Variants in NLGN1 observed in about 807,000 individuals in gnomAD.
The protein encoded by NLGN1 is neuroligin-1.
A neutral mutation model predicts 65.5 loss-of-function variants in NLGN1; 12 were observed. That is an observed-to-expected ratio of 0.18 (90% CI 0.12 to 0.30). NLGN1 has a LOEUF of 0.30. NLGN1 is among the 10% of genes least tolerant of loss of function. NLGN1 has a pLI of 1.00. For missense variants in NLGN1, 750 were observed against 1,007.1 expected, an observed-to-expected ratio of 0.74 and a Z score of 3.46; for synonymous variants, 350 against 359.5, an observed-to-expected ratio of 0.97 and a Z score of 0.30.
intron 2 of NLGN1, among the ~76,000 whole-genome samples, chr3:173,564,929 T>G (rs1743379666): frequency 6.6e-6 from 1 of 152,202 alleles, no homozygotes; most frequent in African/African-American, 2.4e-5. Flanking sequence ...CCACCTCTAT[T>G]TGCTGGACAC....
At chr3:174,241,410 G>GC (rs1742781849) in intron 4 of NLGN1, among the ~76,000 whole-genome samples, 1 of 151,436 alleles carries the variant, frequency 6.6e-6, no homozygotes, top group Admixed American at 6.6e-5. Context: ...AGATATGGAT[G>GC]CCCAATTAGG....
chr3:174,080,852 T>G (rs2152548898), intron 4 of NLGN1, among the ~76,000 whole-genome samples: 2 of 151,700 alleles, frequency 1.3e-5, no homozygotes. Context: ...CTGAGACCAA[T>G]TATTATTTTA....
chr3:173,595,038 A>T (rs188954646), intron 2 of NLGN1, among the ~76,000 whole-genome samples: 1 of 152,342 alleles, frequency 6.6e-6, no homozygotes. Flanking sequence ...GCTGCTGTGA[A>T]GACCTTAGAC....
intron 3 of NLGN1, among the ~76,000 whole-genome samples, chr3:173,650,926 T>TA (rs1759066770): frequency 7.4e-6 from 1 of 134,934 alleles, no homozygotes; most frequent in Non-Finnish European, 1.6e-5. Flanking sequence ...GCCTGTTTAT[T>TA]TTTTTTTTTT....
At chr3:173,628,772 C>T (rs1241179302) in intron 3 of NLGN1, among the ~76,000 whole-genome samples, 1 of 151,978 alleles carries the variant, frequency 6.6e-6, no homozygotes, top group Non-Finnish European at 1.5e-5. Flanking sequence ...CAGCTCACTG[C>T]AACCTCTGTC....
chr3:173,921,668 C>T (rs76059081), intron 4 of NLGN1, among the ~76,000 whole-genome samples: 323 of 152,194 alleles, frequency 2.1e-3, no homozygotes, highest in Middle Eastern at 0.02. Context: ...TCTCCCAAGT[C>T]GTACAGCTAA....
intron 4 of NLGN1, among the ~76,000 whole-genome samples, chr3:173,866,667 T>C (rs1730241085): frequency 6.6e-6 from 1 of 152,208 alleles, no homozygotes; most frequent in Admixed American, 6.5e-5. Flanking sequence ...TTGTTGGTTT[T>C]ATATAAAAAG....
At chr3:174,276,585 A>G (rs9814054) in intron 5 of NLGN1, among the ~76,000 whole-genome samples, 6,437 of 152,020 alleles carry the variant, frequency 0.042, 440 homozygotes, top group African/African-American at 0.15. Context: ...AGCACCAAAC[A>G]TATGGTATTT....
At chr3:174,083,495 T>C (rs1401945004) in intron 4 of NLGN1, among the ~76,000 whole-genome samples, 1 of 152,160 alleles carries the variant, frequency 6.6e-6, no homozygotes, top group African/African-American at 2.4e-5. Context: ...ATATTCAGTG[T>C]TCTTCGAAAA....
intron 2 of NLGN1, among the ~76,000 whole-genome samples, chr3:173,519,647 C>G (rs1734428932): frequency 6.6e-6 from 1 of 151,724 alleles, no homozygotes; most frequent in Admixed American, 6.6e-5. Context: ...GCCAATTTCT[C>G]TCTTTTGGAA....
chr3:174,266,467 A>G (rs1283745356), intron 4 of NLGN1, among the ~76,000 whole-genome samples: 1 of 152,170 alleles, frequency 6.6e-6, no homozygotes, highest in East Asian at 1.9e-4. Context: ...ACTGATGGGT[A>G]TCTATGTTGA....
At chr3:174,184,046 A>C (rs1351027745) in intron 4 of NLGN1, among the ~76,000 whole-genome samples, 1 of 152,218 alleles carries the variant, frequency 6.6e-6, no homozygotes, top group African/African-American at 2.4e-5. Context: ...CACAACTCAT[A>C]AGAAAGCCAC....
At chr3:173,613,089 T>C (rs1180474572) in intron 3 of NLGN1, among the ~76,000 whole-genome samples, 1 of 152,152 alleles carries the variant, frequency 6.6e-6, no homozygotes, top group Non-Finnish European at 1.5e-5. Context: ...CTTTAACATA[T>C]AGAATTTTGG....
At chr3:173,895,528 G>A (rs1398063509) in intron 4 of NLGN1, among the ~76,000 whole-genome samples, 4 of 152,044 alleles carry the variant, frequency 2.6e-5, no homozygotes, top group South Asian at 2.1e-4. Context: ...GGAGACACTC[G>A]ACTTCCCAGT....
chr3:173,563,476 A>C (rs1080310), intron 2 of NLGN1, among the ~76,000 whole-genome samples: 54,290 of 152,010 alleles, frequency 0.36, 10,715 homozygotes, highest in East Asian at 0.73. Context: ...AAAGAGAAGT[A>C]GTAAAGTTAA....
intron 4 of NLGN1, among the ~76,000 whole-genome samples, chr3:173,960,626 A>G (rs963735721): frequency 1.3e-5 from 2 of 152,024 alleles, no homozygotes; most frequent in Admixed American, 6.5e-5. Context: ...ATAAAATTTT[A>G]AAACAGATAT....
intron 3 of NLGN1, among the ~76,000 whole-genome samples, chr3:173,749,678 AAAT>A (rs1258733135): frequency 1.3e-5 from 2 of 152,116 alleles, no homozygotes; most frequent in African/African-American, 2.4e-5. Flanking sequence ...ACCAAAAAAA[AAAT>A]AATATTAACA....
chr3:173,914,660 A>G (rs1262644956), intron 4 of NLGN1, among the ~76,000 whole-genome samples: 1 of 152,106 alleles, frequency 6.6e-6, no homozygotes, highest in African/African-American at 2.4e-5. Context: ...TGGGGTTACT[A>G]TGTAAAAGTG....
intron 4 of NLGN1, among the ~76,000 whole-genome samples, chr3:174,219,800 A>G (rs1421384342): frequency 1.3e-5 from 2 of 152,140 alleles, no homozygotes; most frequent in African/African-American, 2.4e-5. Flanking sequence ...AAGACCAAAG[A>G]CCAAAATGGT....
Sources: allele counts gnomAD v4.1 joint callset (sites outside exome capture counted in the v4.1 genomes callset), GRCh38; gene constraint gnomAD v4.1.1; transcripts MANE v1.5; gene names NCBI Gene and HGNC (gene_info 2026-07-23, HGNC 2026-07-21).